The following EYS variants were observed in gnomAD, a reference collection of about 807,000 sequenced individuals.
EYS encodes EGF-like photoreceptor maintenance factor, also known as protein eyes shut homolog.
EYS carries 250 observed loss-of-function variants against 282.1 expected under a neutral mutation model. The ratio of observed to expected loss-of-function variants is 0.89; its 90% CI spans 0.80 to 0.98. EYS has a LOEUF of 0.98. Ranked by LOEUF, EYS falls within the 50% of genes least tolerant of loss-of-function variation. The probability of loss-of-function intolerance (pLI) is 0.00; values close to 1 mark genes in which losing one functional copy is unlikely to be tolerated. For missense variants in EYS, 4,016 were observed against 3,709.0 expected (o/e 1.08, Z -2.15); for synonymous variants, 1,355 against 1,282.9 (o/e 1.06, Z -1.20).
Position 64,302,584 on chromosome 6 carries a change from A to G in EYS, c.6191+4386T>C, listed in dbSNP as rs549070118. 5.9e-5 allele frequency among the ~76,000 whole-genome samples: 9 copies of G among 152,170 alleles called. No individual in the cohort carries two copies. The South Asian group carries it at 1.7e-3, about 28-fold the overall frequency. On this transcript the variant is annotated intron_variant, in intron 30 of 42. Coordinates refer to ENST00000503581, the MANE Select transcript of EYS (RefSeq NM_001142800.2). ...CTTATGCCAGCTCACAATTTCAACA[A>G]TTTTGTCACACGTGGAATATCCAAC...
intron 19 of EYS, among the ~76,000 whole-genome samples, chr6:64,872,412 T>C (rs1766623313): frequency 6.6e-6 from 1 of 152,018 alleles, no homozygotes; most frequent in East Asian, 1.9e-4. Flanking sequence ...TGAAAACCAA[T>C]GGTGCAGTAA....
chr6:64,207,366 A>T (rs531933997), intron 31 of EYS, among the ~76,000 whole-genome samples: 1 of 152,226 alleles, frequency 6.6e-6, no homozygotes, highest in East Asian at 1.9e-4. Flanking sequence ...CTCCAGAACG[A>T]GGAGCCCAAT....
intron 31 of EYS, among the ~76,000 whole-genome samples, chr6:64,148,562 T>G (rs1430120364): frequency 6.6e-6 from 1 of 152,182 alleles, no homozygotes; most frequent in Non-Finnish European, 1.5e-5. Context: ...CAATCAAATA[T>G]TCCATCAAAA....
chr6:65,026,783 G>C (rs1391826566), intron 13 of EYS, among the ~76,000 whole-genome samples: 5 of 152,086 alleles, frequency 3.3e-5, no homozygotes, highest in Non-Finnish European at 5.9e-5. Context: ...TGGGCGTGGT[G>C]GCGGGCGCCT....
At chr6:64,743,034 CTTT>C (rs886192842) in intron 22 of EYS, among the ~76,000 whole-genome samples, 5 of 152,100 alleles carry the variant, frequency 3.3e-5, no homozygotes, top group Non-Finnish European at 7.4e-5. Flanking sequence ...AGATTTACTT[CTTT>C]GTCTGAGGAC....
intron 30 of EYS, among the ~76,000 whole-genome samples, chr6:64,268,829 A>C (rs1767848866): frequency 6.6e-6 from 1 of 152,144 alleles, no homozygotes; most frequent in Non-Finnish European, 1.5e-5. Flanking sequence ...AGGAGGTTGT[A>C]TTTGGAGATT....
chr6:65,666,956 G>A (rs1478972042), intron 1 of EYS, among the ~76,000 whole-genome samples: 1 of 146,962 alleles, frequency 6.8e-6, no homozygotes, highest in Non-Finnish European at 1.5e-5. Context: ...GCCACCCAAT[G>A]TAAAAAAAAA....
chr6:64,367,982 G>A (rs1045745024), intron 29 of EYS, among the ~76,000 whole-genome samples: 3 of 152,082 alleles, frequency 2.0e-5, no homozygotes, highest in Non-Finnish European at 2.9e-5. Flanking sequence ...ACATATACAT[G>A]TTTGTTATAT....
chr6:64,458,286 A>C (rs1305464049), intron 26 of EYS, among the ~76,000 whole-genome samples: 1 of 151,906 alleles, frequency 6.6e-6, no homozygotes, highest in East Asian at 1.9e-4. Context: ...ATACTTCTAA[A>C]TGTTTTTGTG....
chr6:65,698,217 G>A (rs1018205934), intron 1 of EYS, among the ~76,000 whole-genome samples: 11 of 152,042 alleles, frequency 7.2e-5, no homozygotes, highest in East Asian at 3.9e-4. Context: ...TTTATCTTCC[G>A]TACATAGATG....
chr6:65,452,986 CA>C (rs1363753629), intron 5 of EYS, among the ~76,000 whole-genome samples: 2 of 151,974 alleles, frequency 1.3e-5, no homozygotes, highest in Admixed American at 6.6e-5. Flanking sequence ...GTAAGGTTCT[CA>C]AAAAACAAAT....
At position 64,058,776 on chromosome 6, in the gene EYS, C is replaced by A. The variant is rs1227508752; in HGVS notation, c.6725+7562G>T. 2.6e-5 allele frequency among the ~76,000 whole-genome samples: 4 copies of A among 152,268 alleles called. No individual in the cohort carries two copies. The South Asian group carries it at 8.3e-4, about 32-fold the overall frequency. Reference sequence around the variant, plus strand: ...CTTGTCTTGAAAGTGGTAAACTATACACATTTTAGAATTAGAAGGCTTTTA... The same window carrying A: ...CTTGTCTTGAAAGTGGTAAACTATAAACATTTTAGAATTAGAAGGCTTTTA... On this transcript the variant is annotated intron_variant, in intron 33 of 42. Transcript: ENST00000503581.
At chr6:64,362,542 T>C (rs1252698559) in intron 29 of EYS, among the ~76,000 whole-genome samples, 3 of 151,850 alleles carry the variant, frequency 2.0e-5, no homozygotes, top group African/African-American at 7.2e-5. Context: ...ATAGTAAATA[T>C]GCAGAAGTAT....
chr6:64,989,571 T>A (rs1230081638), intron 14 of EYS, among the ~76,000 whole-genome samples: 3 of 138,144 alleles, frequency 2.2e-5, no homozygotes, highest in African/African-American at 5.4e-5. Flanking sequence ...ATTTAAGAAC[T>A]ATGTAATGTA....
intron 29 of EYS, among the ~76,000 whole-genome samples, chr6:64,338,883 A>G (rs2150395204): frequency 6.6e-6 from 1 of 152,164 alleles, no homozygotes; most frequent in East Asian, 1.9e-4. Flanking sequence ...TAAAGCAGGG[A>G]AAGGACACCC....
Position 64,638,660 on chromosome 6 carries a change from T to C in EYS, c.3444-12415A>G, listed in dbSNP as rs1768046204. Among the ~76,000 whole-genome samples, 2 of 91,178 alleles carry C rather than the reference T, an allele frequency of 2.2e-5. 1 individual carries two copies. Among genetic ancestry groups the C allele is most frequent in the Non-Finnish European group, 4.7e-5 (2 of 42,350 alleles). 59.8% of individuals were successfully genotyped at this position (91,178 alleles called of 152,430 possible). A position where few individuals can be genotyped will look rare whatever the true frequency, so the allele number is the denominator to read the frequency against. On this transcript the variant is annotated intron_variant, in intron 22 of 42. Transcript: ENST00000503581. ...ACAACAAAATCCTCCCTGACACATC[T>C]ATCTCATATATACTTTGTAGTGGGG...
At chr6:64,545,833 C>G (rs898916346) in intron 26 of EYS, among the ~76,000 whole-genome samples, 1 of 152,112 alleles carries the variant, frequency 6.6e-6, no homozygotes, top group African/African-American at 2.4e-5. Context: ...AGGACCTCTT[C>G]AAGGAGAACT....
chr6:63,859,429 T>TA (rs1304178464), intron 36 of EYS, among the ~76,000 whole-genome samples: 4 of 152,196 alleles, frequency 2.6e-5, no homozygotes, highest in Admixed American at 2.6e-4. Flanking sequence ...CTTAGGTAGT[T>TA]ACACTGCTTT....
rs193248738 is a variant in EYS at position 64,107,706 on chromosome 6, C to T, written c.6425-25704G>A. Among the ~76,000 whole-genome samples, 9 of 152,102 alleles carry T rather than the reference C, an allele frequency of 5.9e-5. No homozygotes were observed. The East Asian group carries it at 1.6e-3, about 26-fold the overall frequency. ...TATTAACCATCACAGTGTCTTTTGC[C>T]TCCTAGTATTCCTCATATTTTTTTG... On this transcript the variant is annotated intron_variant, in intron 31 of 42. Coordinates refer to ENST00000503581, the MANE Select transcript of EYS (RefSeq NM_001142800.2).
Sources: allele counts gnomAD v4.1 joint callset (sites outside exome capture counted in the v4.1 genomes callset), GRCh38; gene constraint gnomAD v4.1.1; transcripts MANE v1.5; gene names NCBI Gene and HGNC (gene_info 2026-07-23, HGNC 2026-07-21).